DSCC1: variants seen among roughly 807,000 people sequenced by gnomAD.
The protein encoded by DSCC1 is DNA replication and sister chromatid cohesion 1, also known as sister chromatid cohesion protein DCC1.
In DSCC1, 32 loss-of-function variants were observed where a neutral mutation model predicts 48.2. The ratio of observed to expected loss-of-function variants is 0.66; its 90% CI spans 0.50 to 0.89. The LOEUF is 0.89. DSCC1 is among the 40% of genes least tolerant of loss of function. The pLI, the probability that DSCC1 is intolerant of heterozygous loss-of-function variation, is 0.00. For synonymous variants in DSCC1, 150 were observed against 171.5 expected, an observed-to-expected ratio of 0.87 and a Z score of 0.98; for missense variants, 421 against 471.7, an observed-to-expected ratio of 0.89 and a Z score of 1.00.
intron 5 of DSCC1, 142 bp downstream of exon 5, chr8:119,843,464 ATCT>A (rs1158239263): frequency 1.6e-6 from 2 of 1,244,358 alleles, no homozygotes; most frequent in Admixed American, 2.7e-5. Flanking sequence ...AAATTCCCAA[ATCT>A]TCTTCGGTTG....
chr8:119,841,372 C>T (rs770856412), intron 7 of DSCC1, among the ~76,000 whole-genome samples: 13 of 152,058 alleles, frequency 8.5e-5, no homozygotes, highest in Non-Finnish European at 1.6e-4. Context: ...GTGCAAGGGG[C>T]ATGCCCAGGG....
chr8:119,841,591 T>G (rs553999468), intron 7 of DSCC1, among the ~76,000 whole-genome samples: 1 of 152,200 alleles, frequency 6.6e-6, no homozygotes, highest in Non-Finnish European at 1.5e-5. Flanking sequence ...TTAAAAATAT[T>G]TTAAAGGTAT....
intron 4 of DSCC1, among the ~76,000 whole-genome samples, chr8:119,845,852 G>A (rs1436071419): frequency 3.9e-5 from 6 of 152,188 alleles, no homozygotes; most frequent in South Asian, 4.1e-4. Context: ...AGGAGGTTGA[G>A]GCAGGAGAAT....
chr8:119,855,644 G>T lies in DSCC1; in HGVS notation c.152C>A (p.Thr51Lys), dbSNP rs1287657658. ...GDFCLLELEP[T>K]LCQQLEDGHS... ...TCCATCCTCCAGCTGCTGGCACAGC[G>T]TGGGCTCCAGCTCCAGCAGGCAGAA... Residue 51 changes from threonine (T) to lysine (K), a missense_variant, in exon 1 of 9, where the codon ACG (threonine) becomes AAG (lysine). This residue lies in a region of DSCC1 where 174 missense variants were observed against 184.5 expected (regional missense o/e 0.94). Coordinates refer to ENST00000313655, the MANE Select transcript of DSCC1 (RefSeq NM_024094.3). 1.9e-6 allele frequency: 3 copies of T among 1,546,566 alleles called. No homozygotes were observed. The South Asian group carries it at 3.6e-5, about 18-fold the overall frequency.
chr8:119,834,775 G>T lies in DSCC1; in HGVS notation c.*118C>A. On this transcript the variant is annotated 3_prime_UTR_variant, in exon 9 of 9. Coordinates refer to ENST00000313655, the MANE Select transcript of DSCC1 (RefSeq NM_024094.3). ...AGTTTCAAAATGCTTAAGATGAGGA[G>T]AAAAATGCCTTAGAAGACTAGGTTT... 3 of 702,584 alleles carry T rather than the reference G, an allele frequency of 4.3e-6. No homozygotes were observed. Among genetic ancestry groups the T allele is most frequent in the South Asian group, 3.3e-5 (2 of 60,878 alleles). The allele number at this position is 702,584 out of a possible 1,614,324, so 43.5% of individuals were successfully genotyped here.
At chr8:119,843,514 T>A in intron 5 of DSCC1, 95 bp downstream of exon 5, 1 of 1,445,414 alleles carries the variant, frequency 6.9e-7, no homozygotes, top group Non-Finnish European at 9.3e-7. Context: ...CAAAATACAA[T>A]GATTGTAGTT....
intron 5 of DSCC1, 112 bp downstream of exon 5, chr8:119,843,495 CAA>C (rs1826805618): frequency 7.1e-7 from 1 of 1,399,134 alleles, no homozygotes; most frequent in Non-Finnish European, 9.6e-7. Flanking sequence ...AAACATTTCT[CAA>C]AGATATCAAA....
rs150249225 is a variant in DSCC1, at chr8:119,853,154, C to T, written c.244G>A (p.Asp82Asn). 5.1e-5 allele frequency: 83 copies of T among 1,614,070 alleles called. No homozygotes were observed. The African/African-American group carries it at 7.9e-4, about 15-fold the overall frequency. The part of the protein sequence containing the change: ...AVLCSKDKTY[D>N]LKIADTSNML... ...TTGGAAGTGTCTGCTATCTTCAAGT[C>T]GTATGTTTTGTCTTTACTGCACAGC... Residue 82 changes from aspartate (D) to asparagine (N), a missense_variant, in exon 2 of 9, where the codon GAC becomes AAC. This residue lies in a region of DSCC1 where 174 missense variants were observed against 184.5 expected (regional missense o/e 0.94). Coordinates refer to ENST00000313655, the MANE Select transcript of DSCC1 (RefSeq NM_024094.3).
chr8:119,841,700 A>G, intron 7 of DSCC1, 94 bp downstream of exon 7: 1 of 1,433,404 alleles, frequency 7.0e-7, no homozygotes. Flanking sequence ...GTCTAAGAAA[A>G]GAAATTGGTT....
At chr8:119,849,058 G>A (rs1016714498) in intron 3 of DSCC1, among the ~76,000 whole-genome samples, 3 of 151,960 alleles carry the variant, frequency 2.0e-5, no homozygotes, top group South Asian at 2.1e-4. Flanking sequence ...GGTGGCGGGC[G>A]CCTGTAGTCC....
chr8:119,841,975 ATAT>A, intron 6 of DSCC1, 27 bp from the exon 7 acceptor site: 1 of 1,605,918 alleles, frequency 6.2e-7, no homozygotes, highest in Non-Finnish European at 8.5e-7. Flanking sequence ...AGATATTTTC[ATAT>A]TATCATCTTA....
intron 5 of DSCC1, 81 bp from the exon 6 acceptor site, chr8:119,842,909 TA>T (rs1826794637): frequency 8.5e-7 from 1 of 1,174,264 alleles, no homozygotes; most frequent in African/African-American, 1.6e-5. Context: ...AACTCAAAAT[TA>T]AGAAAGAAAT....
intron 1 of DSCC1, among the ~76,000 whole-genome samples, chr8:119,854,530 C>T (rs1441772215): frequency 6.6e-6 from 1 of 152,192 alleles, no homozygotes; most frequent in Non-Finnish European, 1.5e-5. Context: ...AGTACCTAGT[C>T]TTTAACATTT....
In DSCC1 at chr8:119,834,635, T is replaced by A. The variant is rs1826644358; in HGVS notation, c.*258A>T. ...TATAAAAAGCCAAACTTTAAATAAA[T>A]CATAGAGACCTCAGACATAATATAG... On this transcript the variant is annotated 3_prime_UTR_variant, in exon 9 of 9. Transcript: ENST00000313655. 3.2e-6 allele frequency: 1 copy of A among 315,270 alleles called. No homozygotes were observed. The highest frequency in any genetic ancestry group is 5.7e-6 in the Non-Finnish European group (1 of 174,184). The allele number at this position is 315,270 out of a possible 1,614,324, so 19.5% of individuals were successfully genotyped here. A position where few individuals can be genotyped will look rare whatever the true frequency, so the allele number is the denominator to read the frequency against.
rs969035396 is a variant in DSCC1 at position 119,838,419 on chromosome 8, G to T, written c.925-12C>A. ...ACCAGCGCTAAACCCTACAAGAAATGAGAAGAAACAGAGCAGTTAAAGTAA... is the reference window on the plus strand; with the variant it reads ...ACCAGCGCTAAACCCTACAAGAAATTAGAAGAAACAGAGCAGTTAAAGTAA... On this transcript the variant is annotated splice_polypyrimidine_tract_variant and intron_variant, in intron 7 of 8. Transcript: ENST00000313655. 3.8e-6 allele frequency: 6 copies of T among 1,559,432 alleles called. No homozygotes were observed. The African/African-American group carries it at 6.9e-5, about 18-fold the overall frequency.
intron 4 of DSCC1, among the ~76,000 whole-genome samples, chr8:119,844,604 T>TG (rs1826824673): frequency 6.6e-6 from 1 of 151,184 alleles, no homozygotes; most frequent in Admixed American, 6.6e-5. Flanking sequence ...TTCTTAGAGA[T>TG]GGGGTCTTAC....
At chr8:119,842,076 T>C (rs1189071299) in intron 6 of DSCC1, 128 bp from the exon 7 acceptor site, 48 of 1,093,316 alleles carry the variant, frequency 4.4e-5, no homozygotes, top group Non-Finnish European at 5.7e-5. Flanking sequence ...GACAACCCCA[T>C]AGTTCGTTTT....
intron 3 of DSCC1, among the ~76,000 whole-genome samples, chr8:119,848,477 A>C (rs894099522): frequency 6.6e-6 from 1 of 152,218 alleles, no homozygotes; most frequent in African/African-American, 2.4e-5. Context: ...GCATTTCTCC[A>C]AAGATATACA....
At chr8:119,835,310 G>C (rs1826663323) in intron 8 of DSCC1, among the ~76,000 whole-genome samples, 1 of 152,120 alleles carries the variant, frequency 6.6e-6, no homozygotes, top group South Asian at 2.1e-4. Flanking sequence ...TTGAAGATCA[G>C]CCTGGCCAAC....
Sources: gnomAD v4.1 joint callset for allele counts (sites outside exome capture counted in the v4.1 genomes callset) on GRCh38, gnomAD v4.1.1 for gene constraint, gnomAD v4.1.1 regional missense constraint, MANE v1.5 for transcripts, NCBI Gene and HGNC (gene_info 2026-07-23, HGNC 2026-07-21) for gene names.